The following GATB variants were observed in gnomAD, a reference collection of about 807,000 sequenced individuals.
The protein encoded by GATB is glutamyl-tRNA(Gln) amidotransferase subunit B, mitochondrial.
Under a neutral mutation model 62.3 loss-of-function variants are expected in GATB, and 39 were observed. That is an observed-to-expected ratio of 0.63 (90% confidence interval 0.48 to 0.82). The LOEUF is 0.82. Ranked by LOEUF, GATB falls within the 40% of genes least tolerant of loss-of-function variation. The pLI, the probability that GATB is intolerant of heterozygous loss-of-function variation, is 0.00. For missense variants in GATB, 670 were observed against 684.0 expected, an observed-to-expected ratio of 0.98 and a Z score of 0.23; for synonymous variants, 276 against 258.9, an observed-to-expected ratio of 1.07 and a Z score of -0.63.
In GATB at chr4:151,713,447, C is replaced by T. The variant is rs78521690; in HGVS notation, c.763+2562G>A. On this transcript the variant is annotated intron_variant, in intron 5 of 12. Transcript: ENST00000263985. ...ATTCCCAAGGCCTTTCAAACTTAAC[C>T]TGCCCAAACTGGAATTCTATGTTTT... Among the ~76,000 whole-genome samples, 998 of 152,284 alleles carry T rather than the reference C, an allele frequency of 6.6e-3. 6 individuals carry two copies. The highest frequency in any genetic ancestry group is 0.021 in the African/African-American group (867 of 41,554).
At position 151,672,896 on chromosome 4, in the gene GATB, C is replaced by T. The variant is rs868494311; in HGVS notation, c.1411G>A (p.Val471Met). The change falls in exon 12 of 13, where the codon GTG becomes ATG. Residue 471 changes from valine to methionine, a missense_variant and splice_region_variant. Transcript: ENST00000263985. ...TCCCTCTTCCACAGTTCCTCAAACA[C>T]CTATGGACCAGAGAAGGGAGAGGAA... The part of the protein sequence containing the change: ...RTISSSAAKQ[V>M]FEELWKREGK... 5 of 1,614,070 alleles carry T rather than the reference C, an allele frequency of 3.1e-6. No homozygotes were observed. The highest frequency in any genetic ancestry group is 3.3e-4 in the Middle Eastern group (2 of 6,062).
chr4:151,700,003 T>C (rs1011435104), intron 9 of GATB, among the ~76,000 whole-genome samples: 1 of 152,108 alleles, frequency 6.6e-6, no homozygotes, highest in Non-Finnish European at 1.5e-5. Context: ...TAATAAAAGG[T>C]AGGGCTAGAA....
chr4:151,753,154 T>G (rs1214329112), intron 2 of GATB, among the ~76,000 whole-genome samples: 1 of 152,188 alleles, frequency 6.6e-6, no homozygotes, highest in East Asian at 1.9e-4. Context: ...TACCGCCTTT[T>G]GCTCTGACTG....
chr4:151,719,464 G>T lies in GATB; in HGVS notation c.402C>A (p.Ser134=). The T allele has an allele frequency of 6.2e-7, 1 of 1,612,018 alleles. No individual in the cohort carries two copies. Among genetic ancestry groups the T allele is most frequent in the South Asian group, 1.1e-5 (1 of 90,586 alleles). ...AGAAGTAGTGCTTCCTGTCAAACAAGGACTTCTTGTTTATGTGGCAGTTCA... is the reference window on the plus strand; with the variant it reads ...AGAAGTAGTGCTTCCTGTCAAACAATGACTTCTTGTTTATGTGGCAGTTCA... ...LALNCHINKK[S]LFDRKHYFYA... The change falls in exon 3 of 13, where the codon TCC becomes TCA. Residue 134 remains serine, a synonymous_variant. Coordinates refer to ENST00000263985, the MANE Select transcript of GATB (RefSeq NM_004564.3).
chr4:151,719,372 G>C, intron 3 of GATB, 53 bp downstream of exon 3: 1 of 1,307,820 alleles, frequency 7.6e-7, no homozygotes, highest in East Asian at 2.3e-5. Flanking sequence ...CCCACAGCAG[G>C]GCTGGCCCAG....
chr4:151,693,574 G>T (rs1276287223), intron 9 of GATB, among the ~76,000 whole-genome samples: 1 of 152,158 alleles, frequency 6.6e-6, no homozygotes, highest in Non-Finnish European at 1.5e-5. Flanking sequence ...AAGAATACAG[G>T]GATCTGCAGA....
intron 9 of GATB, among the ~76,000 whole-genome samples, chr4:151,689,487 A>G (rs1738318940): frequency 6.6e-6 from 1 of 152,116 alleles, no homozygotes; most frequent in Admixed American, 6.5e-5. Flanking sequence ...GACTTGTTTC[A>G]TCAAGACTGT....
intron 2 of GATB, among the ~76,000 whole-genome samples, chr4:151,741,828 T>G (rs745687414): frequency 9.2e-5 from 14 of 152,226 alleles, no homozygotes; most frequent in Non-Finnish European, 2.1e-4. Flanking sequence ...CATCATCATT[T>G]CTACACAAAG....
At chr4:151,697,994 T>TATATATATA (rs1738522869) in intron 9 of GATB, among the ~76,000 whole-genome samples, 1 of 138,418 alleles carries the variant, frequency 7.2e-6, no homozygotes, top group Non-Finnish European at 1.5e-5. Flanking sequence ...TATATATATA[T>TATATATATA]GAAATGAAGG....
chr4:151,739,515 G>C (rs1739444096), intron 2 of GATB, among the ~76,000 whole-genome samples: 1 of 152,228 alleles, frequency 6.6e-6, no homozygotes, highest in African/African-American at 2.4e-5. Context: ...AATGTTACAT[G>C]TGAAGCCGCA....
chr4:151,757,919 T>C (rs1739869689), intron 2 of GATB, among the ~76,000 whole-genome samples: 1 of 152,204 alleles, frequency 6.6e-6, no homozygotes, highest in African/African-American at 2.4e-5. Flanking sequence ...GTTGATATTA[T>C]AGGTCCTGGA....
At chr4:151,747,372 G>C (rs1457035557) in intron 2 of GATB, among the ~76,000 whole-genome samples, 2 of 152,212 alleles carry the variant, frequency 1.3e-5, no homozygotes, top group African/African-American at 4.8e-5. Flanking sequence ...TCAGGCCATA[G>C]GTGAAAAAGA....
At chr4:151,722,153 C>T (rs917397496) in intron 2 of GATB, 10 of 698,006 alleles carry the variant, frequency 1.4e-5, no homozygotes, top group Non-Finnish European at 2.6e-5. Flanking sequence ...GATGGAAGTC[C>T]AGGTCAGCAT....
chr4:151,760,348 T>A (rs541334226), intron 1 of GATB, among the ~76,000 whole-genome samples: 1 of 152,294 alleles, frequency 6.6e-6, no homozygotes, highest in Admixed American at 6.5e-5. Context: ...CCTGCACAGA[T>A]AGCTAGTGTT....
At chr4:151,732,872 TA>T (rs1253064680) in intron 2 of GATB, among the ~76,000 whole-genome samples, 2 of 151,288 alleles carry the variant, frequency 1.3e-5, no homozygotes, top group Non-Finnish European at 3.0e-5. Context: ...AGATAAATAT[TA>T]AAAAAACTAA....
chr4:151,698,742 A>G (rs917080768), intron 9 of GATB, among the ~76,000 whole-genome samples: 9 of 152,126 alleles, frequency 5.9e-5, no homozygotes, highest in Non-Finnish European at 1.2e-4. Flanking sequence ...AATCTCACTC[A>G]TCTTGGAAAT....
chr4:151,679,747 G>A (rs1169993878), intron 11 of GATB, 66 bp downstream of exon 11: 2 of 1,276,300 alleles, frequency 1.6e-6, no homozygotes, highest in Non-Finnish European at 2.3e-6. Flanking sequence ...GATGGCATTT[G>A]GGTGTCACAG....
intron 2 of GATB, among the ~76,000 whole-genome samples, chr4:151,737,794 G>T (rs1358271760): frequency 6.6e-6 from 1 of 152,198 alleles, no homozygotes; most frequent in East Asian, 1.9e-4. Context: ...TGTTGCTTCA[G>T]AAGGTGGAAG....
chr4:151,695,346 C>T lies in GATB; in HGVS notation c.1197+5983G>A, dbSNP rs1738447285. Reference sequence around the variant, plus strand: ...TGGGGAGGGAAACAGCTCTGGTTACCCTGCAGAGCCCTCCCAGCTCCAAAG... The same window carrying T: ...TGGGGAGGGAAACAGCTCTGGTTACTCTGCAGAGCCCTCCCAGCTCCAAAG... On this transcript the variant is annotated intron_variant, in intron 9 of 12. Transcript: ENST00000263985. Among the ~76,000 whole-genome samples the T allele has an allele frequency of 2.0e-5, 3 of 152,166 alleles. No individual in the cohort carries two copies. In the South Asian group the frequency reaches 6.3e-4, roughly 32 times the overall value.
Sources: allele counts gnomAD v4.1 joint callset (sites outside exome capture counted in the v4.1 genomes callset), GRCh38; gene constraint gnomAD v4.1.1; transcripts MANE v1.5; gene names NCBI Gene and HGNC (gene_info 2026-07-23, HGNC 2026-07-21).